The following TTC34 variants were observed in gnomAD, a reference collection of about 807,000 sequenced individuals.
TTC34 encodes tetratricopeptide repeat protein 34.
TTC34 carries 44 observed loss-of-function variants against 40.7 expected under a neutral mutation model. The observed-to-expected ratio is 1.08, with a 90% CI of 0.85 to 1.39. The LOEUF is 1.39. Ranked by LOEUF, TTC34 falls within the 40% of genes most tolerant of loss-of-function variation. TTC34 has a pLI of 0.00. For missense variants in TTC34, 884 were observed against 838.0 expected, an observed-to-expected ratio of 1.05 and a Z score of -0.68; for synonymous variants, 422 against 398.6, an observed-to-expected ratio of 1.06 and a Z score of -0.70.
At chr1:2,652,221 T>C (rs1639164245) in intron 6 of TTC34, among the ~76,000 whole-genome samples, 2 of 139,618 alleles carry the variant, frequency 1.4e-5, no homozygotes, top group African/African-American at 5.5e-5. Context: ...AGTGAGCATC[T>C]GACGGCCTGG....
At chr1:2,783,388 A>T (rs1431904494) in intron 6 of TTC34, among the ~76,000 whole-genome samples, 3 of 152,208 alleles carry the variant, frequency 2.0e-5, no homozygotes. Flanking sequence ...ACACAGACTG[A>T]GGCTGGGAGG....
In TTC34 at chr1:2,684,961, C is replaced by A. The variant is rs569194641; in HGVS notation, c.2227-39398G>T. Among the ~76,000 whole-genome samples, 897 of 141,354 alleles carry A rather than the reference C, an allele frequency of 6.3e-3. 112 individuals are homozygous for A. The highest frequency in any genetic ancestry group is 0.024 in the African/African-American group (848 of 34,662). The allele number at this position is 141,354 out of a possible 152,430, so 92.7% of individuals were successfully genotyped here. A position where few individuals can be genotyped will look rare whatever the true frequency, so the allele number is the denominator to read the frequency against. The stretch of plus-strand genomic sequence containing the variant: ...CAGCCTGGAGCACCACCCACACCCC[C>A]AGACGAGCATCTGACAGCTTAGAAC... On this transcript the variant is annotated intron_variant, in intron 6 of 8. Transcript: ENST00000401095.
intron 6 of TTC34, among the ~76,000 whole-genome samples, chr1:2,749,377 C>A (rs1459570871): frequency 1.0e-5 from 1 of 100,142 alleles, no homozygotes; most frequent in Non-Finnish European, 1.9e-5. Context: ...AGGTGAGACC[C>A]TGACAGCCTG....
intron 6 of TTC34, among the ~76,000 whole-genome samples, chr1:2,683,467 C>T (rs200941717): frequency 2.0e-5 from 3 of 150,954 alleles, no homozygotes; most frequent in African/African-American, 4.9e-5. Flanking sequence ...GGAGCAGCAC[C>T]CACACCACCA....
chr1:2,783,826 C>G (rs1432457630), intron 5 of TTC34, 51 bp from the exon 6 acceptor site: 1 of 1,394,990 alleles, frequency 7.2e-7, no homozygotes, highest in African/African-American at 1.5e-5. Flanking sequence ...GGTCCCTTCC[C>G]CAGCATCTAT....
At chr1:2,699,573 C>T (rs1311467782) in intron 6 of TTC34, among the ~76,000 whole-genome samples, 1 of 133,594 alleles carries the variant, frequency 7.5e-6, no homozygotes, top group African/African-American at 2.6e-5. Flanking sequence ...AGCACCCACA[C>T]CCCCAGGTGA....
In TTC34 at chr1:2,681,615, C is replaced by T. The variant is rs1231524008; in HGVS notation, c.2227-36052G>A. On this transcript the variant is annotated intron_variant, in intron 6 of 8. Coordinates refer to ENST00000401095, the Ensembl canonical transcript of TTC34. ...AGGTGAGCATCAGACAGCCTGGAAC[C>T]GCAGCCACACCCCCAGCGAGCACCT... Among the ~76,000 whole-genome samples the T allele has an allele frequency of 3.8e-5, 2 of 52,778 alleles. 1 individual carries two copies. The highest frequency in any genetic ancestry group is 8.3e-5 in the Non-Finnish European group (2 of 24,034). 34.6% of individuals were successfully genotyped at this position (52,778 alleles called of 152,430 possible).
intron 6 of TTC34, among the ~76,000 whole-genome samples, chr1:2,695,621 A>G (rs74193088): frequency 1.2e-3 from 16 of 13,500 alleles, no homozygotes; most frequent in Non-Finnish European, 1.5e-3. Flanking sequence ...TGACAGCCTG[A>G]AGCAGCACCC....
In TTC34 at chr1:2,789,540, C is replaced by T. The variant is rs530980571; in HGVS notation, c.1591G>A (p.Glu531Lys). Residue 531 changes from glutamate (E) to lysine (K), a missense_variant, in exon 3 of 9, where the codon GAG becomes AAG. Transcript: ENST00000401095. ...GTGGGGCCGCCCGTCTCTGCGGCCT[C>T]CCTCCGGCCCTGCGCTCTGGACGGC... is the stretch of plus-strand genomic sequence containing the variant. 7 of 1,500,060 alleles carry T rather than the reference C, an allele frequency of 4.7e-6. No individual in the cohort carries two copies. The African/African-American group carries it at 8.6e-5, about 18-fold the overall frequency. The allele number at this position is 1,500,060 out of a possible 1,614,324, so 92.9% of individuals were successfully genotyped here. A position where few individuals can be genotyped will look rare whatever the true frequency, so the allele number is the denominator to read the frequency against.
At chr1:2,767,604 C>T (rs1205409774) in intron 6 of TTC34, among the ~76,000 whole-genome samples, 1 of 117,944 alleles carries the variant, frequency 8.5e-6, no homozygotes, top group Admixed American at 8.4e-5. Context: ...GCATCCACAC[C>T]CCCAGGCGAG....
chr1:2,790,498 G>A (rs1009231461), intron 2 of TTC34, among the ~76,000 whole-genome samples, 152 bp from the exon 3 acceptor site: 1 of 152,162 alleles, frequency 6.6e-6, no homozygotes, highest in African/African-American at 2.4e-5. Flanking sequence ...GGTGGCCCTG[G>A]GTATGGCACC....
intron 1 of TTC34, among the ~76,000 whole-genome samples, chr1:2,801,354 CG>C (rs1643770353): frequency 6.6e-6 from 1 of 152,030 alleles, no homozygotes; most frequent in Admixed American, 6.5e-5. Context: ...TCGAGGGGGG[CG>C]CCGAGAGCAC....
intron 6 of TTC34, among the ~76,000 whole-genome samples, chr1:2,686,543 C>T (rs1363707735): frequency 3.8e-5 from 4 of 105,144 alleles, no homozygotes; most frequent in African/African-American, 1.5e-4. Flanking sequence ...CATCTGACAG[C>T]CTGGAACAGC....
rs143297028 is a variant in TTC34, at chr1:2,692,267, T to G, written c.2227-46704A>C. ...ACAGCCTGGAGCAGCACCCACACCC[T>G]CAGGTGAGCATCTGACAGCCTGGAG... On this transcript the variant is annotated intron_variant, in intron 6 of 8. Transcript: ENST00000401095. 5.9e-4 allele frequency among the ~76,000 whole-genome samples: 11 copies of G among 18,634 alleles called. 2 individuals carry two copies. Among genetic ancestry groups the G allele is most frequent in the African/African-American group, 1.8e-3 (10 of 5,516 alleles). The allele number at this position is 18,634 out of a possible 152,430, so 12.2% of individuals were successfully genotyped here.
intron 6 of TTC34, among the ~76,000 whole-genome samples, chr1:2,688,348 C>A (rs1165600495): frequency 1.2e-4 from 17 of 141,416 alleles, no homozygotes; most frequent in Admixed American, 2.8e-4. Context: ...GAGCATCGGA[C>A]AGCCTGGAGC....
At chr1:2,756,995 G>GAGCCTCTGACAGCCTGGAAC (rs1641528435) in intron 6 of TTC34, among the ~76,000 whole-genome samples, 1 of 151,592 alleles carries the variant, frequency 6.6e-6, no homozygotes, top group Non-Finnish European at 1.5e-5. Flanking sequence ...ACGCCCAGGT[G>GAGCCTCTGACAGCCTGGAAC]AGCCTCTGAC....
At chr1:2,793,594 A>G (rs941202673) in intron 2 of TTC34, among the ~76,000 whole-genome samples, 1 of 152,204 alleles carries the variant, frequency 6.6e-6, no homozygotes, top group African/African-American at 2.4e-5. Context: ...TCTTTTAGAA[A>G]CTGTAAAATG....
intron 6 of TTC34, among the ~76,000 whole-genome samples, chr1:2,685,581 A>C (rs1294815334): frequency 9.0e-5 from 3 of 33,216 alleles, no homozygotes; most frequent in South Asian, 9.5e-4. Context: ...ATCTGTACGC[A>C]CAGAGCAGCA....
intron 6 of TTC34, among the ~76,000 whole-genome samples, chr1:2,779,231 T>C (rs1258582339): frequency 1.3e-5 from 2 of 152,232 alleles, no homozygotes; most frequent in South Asian, 4.1e-4. Context: ...TATCTATGAA[T>C]ATGGTGTACA....
Sources: allele counts gnomAD v4.1 joint callset (sites outside exome capture counted in the v4.1 genomes callset), GRCh38; gene constraint gnomAD v4.1.1; transcripts MANE v1.5; gene names NCBI Gene and HGNC (gene_info 2026-07-23, HGNC 2026-07-21).